Variants in MAST4 observed in about 807,000 individuals in gnomAD.
The protein encoded by MAST4 is microtubule-associated serine/threonine-protein kinase 4.
Under a neutral mutation model 162.7 loss-of-function variants are expected in MAST4, and 89 were observed. That is an observed-to-expected ratio of 0.55 (90% CI 0.46 to 0.65). MAST4 has a LOEUF of 0.65. MAST4 is among the 30% of genes least tolerant of loss of function. The probability of loss-of-function intolerance (pLI) is 0.00; values close to 1 mark genes in which losing one functional copy is unlikely to be tolerated. For synonymous variants in MAST4, 1,479 were observed against 1,361.1 expected, an observed-to-expected ratio of 1.09 and a Z score of -1.91; for missense variants, 3,153 against 3,374.0, an observed-to-expected ratio of 0.93 and a Z score of 1.62.
Position 66,746,019 on chromosome 5 carries a change from C to T in MAST4, c.364-13690C>T, listed in dbSNP as rs73112476. On this transcript the variant is annotated intron_variant, in intron 1 of 28. Transcript: ENST00000403625. Reference sequence around the variant, plus strand: ...GTGTAGAAATTTGGGTTCTGGTCTGCGTTCGTGCACCAGTCATCTTTCTAA... The same window carrying T: ...GTGTAGAAATTTGGGTTCTGGTCTGTGTTCGTGCACCAGTCATCTTTCTAA... Among the ~76,000 whole-genome samples the T allele has an allele frequency of 5.2e-3, 796 of 152,262 alleles. 8 individuals are homozygous for T. The highest frequency in any genetic ancestry group is 0.018 in the African/African-American group (759 of 41,542).
chr5:67,133,850 C>T (rs1769285392), intron 17 of MAST4, among the ~76,000 whole-genome samples: 1 of 152,150 alleles, frequency 6.6e-6, no homozygotes, highest in East Asian at 1.9e-4. Context: ...ACATTCCTCC[C>T]CCAACATTAT....
intron 1 of MAST4, among the ~76,000 whole-genome samples, chr5:66,753,403 G>T (rs1489343362): frequency 6.6e-6 from 1 of 151,256 alleles, no homozygotes; most frequent in Non-Finnish European, 1.5e-5. Flanking sequence ...TAGACCGCTA[G>T]CAAGACTAAT....
intron 4 of MAST4, among the ~76,000 whole-genome samples, chr5:66,932,110 TTGTC>T (rs778703743): frequency 2.0e-4 from 30 of 152,222 alleles, no homozygotes; most frequent in Admixed American, 4.6e-4. Context: ...GATAATCTGT[TTGTC>T]AAACTGCAAT....
chr5:67,058,439 T>C (rs1759132065), intron 5 of MAST4, among the ~76,000 whole-genome samples: 1 of 152,226 alleles, frequency 6.6e-6, no homozygotes, highest in African/African-American at 2.4e-5. Context: ...CTTACTGATA[T>C]TCTCATAAAA....
intron 26 of MAST4, among the ~76,000 whole-genome samples, chr5:67,156,320 G>A (rs915515798): frequency 1.1e-4 from 16 of 152,270 alleles, no homozygotes; most frequent in African/African-American, 3.4e-4. Flanking sequence ...ATGTAGCTCC[G>A]GAGCCTGCAC....
intron 1 of MAST4, among the ~76,000 whole-genome samples, chr5:66,696,520 A>G (rs1245734831): frequency 6.6e-6 from 1 of 151,992 alleles, no homozygotes; most frequent in Non-Finnish European, 1.5e-5. Context: ...TCATTCTCAT[A>G]ACTTGAGCAT....
In MAST4 at chr5:67,010,455, A is replaced by G. The variant is rs560323851; in HGVS notation, c.675-43949A>G. 3.9e-5 allele frequency among the ~76,000 whole-genome samples: 6 copies of G among 152,298 alleles called. No individual in the cohort carries two copies. In the South Asian group the frequency reaches 6.2e-4, roughly 16 times the overall value. Reference sequence around the variant, plus strand: ...GGAGTTTGGGGACAGGCATCTGGGAACATCGAAGGCACTGAGACTGGAAAG... The same window carrying G: ...GGAGTTTGGGGACAGGCATCTGGGAGCATCGAAGGCACTGAGACTGGAAAG... On this transcript the variant is annotated intron_variant, in intron 4 of 28. Coordinates refer to ENST00000403625, the MANE Select transcript of MAST4 (RefSeq NM_001164664.2).
In MAST4 at chr5:66,596,692, C is replaced by T. The variant is rs1742196943; in HGVS notation, c.37C>T (p.Pro13Ser). The change falls in exon 1 of 29, where the codon CCC (proline) becomes TCC (serine). Residue 13 changes from proline (P) to serine (S), a missense_variant. By Grantham distance (74) the Pro-to-Ser change is moderately conservative. This residue lies in a region of MAST4 where 327 missense variants were observed against 336.5 expected (regional missense o/e 0.97). Coordinates refer to ENST00000403625, the MANE Select transcript of MAST4 (RefSeq NM_001164664.2). ...AGTTTCGGAGGCGCCAGAGCCGGTG[C>T]CCCGCGGCTGCAGTGGCCACGGCAG... is the stretch of plus-strand genomic sequence containing the variant. ...EKVSEAPEPVPRGCSGHGSRT... is the reference protein window; with the variant it reads ...EKVSEAPEPVSRGCSGHGSRT... The T allele has an allele frequency of 2.0e-6, 3 of 1,472,378 alleles. No individual in the cohort carries two copies. The highest frequency in any genetic ancestry group is 2.9e-5 in the African/African-American group (2 of 68,626). 91.2% of individuals were successfully genotyped at this position (1,472,378 alleles called of 1,614,324 possible). A position where few individuals can be genotyped will look rare whatever the true frequency, so the allele number is the denominator to read the frequency against.
intron 3 of MAST4, among the ~76,000 whole-genome samples, chr5:66,804,360 T>C (rs1447684122): frequency 1.3e-5 from 2 of 152,204 alleles, no homozygotes; most frequent in African/African-American, 4.8e-5. Flanking sequence ...TCAGTCCTGC[T>C]TTGGCCATGG....
At chr5:66,753,008 T>C (rs1168170179) in intron 1 of MAST4, among the ~76,000 whole-genome samples, 67 of 151,050 alleles carry the variant, frequency 4.4e-4, no homozygotes, top group Middle Eastern at 6.8e-3. Flanking sequence ...CACTCAAAAC[T>C]GCTCAACTAC....
chr5:66,933,965 T>A (rs1742446414), intron 4 of MAST4, among the ~76,000 whole-genome samples: 1 of 152,308 alleles, frequency 6.6e-6, no homozygotes, highest in Non-Finnish European at 1.5e-5. Context: ...TAGCTGAGAT[T>A]ACAGGCATGA....
intron 4 of MAST4, among the ~76,000 whole-genome samples, chr5:66,957,115 TG>T (rs1193501942): frequency 2.0e-5 from 3 of 152,216 alleles, no homozygotes; most frequent in African/African-American, 4.8e-5. Flanking sequence ...TCAGAAGATC[TG>T]TGTGTAGAAG....
intron 3 of MAST4, among the ~76,000 whole-genome samples, chr5:66,867,756 T>C (rs951462273): frequency 6.6e-6 from 1 of 152,214 alleles, no homozygotes; most frequent in African/African-American, 2.4e-5. Context: ...CAGCTCCCCT[T>C]GCAGTGAAGA....
rs1228228610 is a variant in MAST4, at chr5:67,167,512, G to T, written c.*461G>T. The T allele has an allele frequency of 1.3e-5, 2 of 152,700 alleles. No individual in the cohort carries two copies. The highest frequency in any genetic ancestry group is 4.1e-4 in the South Asian group (2 of 4,836). The allele number at this position is 152,700 out of a possible 1,614,324, so 9.5% of individuals were successfully genotyped here. Reference sequence around the variant, plus strand: ...TGTGAACAGAGATACACCCATATTCGTGTATATACACATCCACCTACATGT... The same window carrying T: ...TGTGAACAGAGATACACCCATATTCTTGTATATACACATCCACCTACATGT... On this transcript the variant is annotated 3_prime_UTR_variant, in exon 29 of 29. Coordinates refer to ENST00000403625, the MANE Select transcript of MAST4 (RefSeq NM_001164664.2).
chr5:66,924,487 A>G (rs1580893134), intron 4 of MAST4, among the ~76,000 whole-genome samples: 1 of 150,316 alleles, frequency 6.7e-6, no homozygotes. Context: ...TCCGCCTCCC[A>G]GGTTCACGCC....
chr5:66,819,297 T>C (rs1324579961), intron 3 of MAST4, among the ~76,000 whole-genome samples: 1 of 152,204 alleles, frequency 6.6e-6, no homozygotes, highest in Non-Finnish European at 1.5e-5. Flanking sequence ...AATTTATATA[T>C]ACCTCTCAAA....
chr5:66,963,440 GTT>G (rs1746265806), intron 4 of MAST4, among the ~76,000 whole-genome samples: 1 of 152,162 alleles, frequency 6.6e-6, no homozygotes. Flanking sequence ...ACATGTCAAA[GTT>G]ATCTGCCAAG....
chr5:66,632,710 T>C (rs1744865945), intron 1 of MAST4, among the ~76,000 whole-genome samples: 1 of 152,176 alleles, frequency 6.6e-6, no homozygotes, highest in African/African-American at 2.4e-5. Context: ...TTGGTAATAC[T>C]CAGTATAAAA....
At chr5:66,940,584 T>TA (rs1743253114) in intron 4 of MAST4, among the ~76,000 whole-genome samples, 1 of 152,194 alleles carries the variant, frequency 6.6e-6, no homozygotes, top group South Asian at 2.1e-4. Flanking sequence ...ATTCAAGTTT[T>TA]AACATCAAAT....
Sources: allele counts gnomAD v4.1 joint callset (sites outside exome capture counted in the v4.1 genomes callset), GRCh38; gene constraint gnomAD v4.1.1; regional missense constraint gnomAD v4.1.1; transcripts MANE v1.5; gene names NCBI Gene and HGNC (gene_info 2026-07-23, HGNC 2026-07-21).